Variants in ARHGAP24 observed in about 807,000 individuals in gnomAD.
ARHGAP24 encodes Rho GTPase activating protein 24.
Under a neutral mutation model 76.4 loss-of-function variants are expected in ARHGAP24, and 50 were observed. That is an observed-to-expected ratio of 0.65 (90% CI 0.52 to 0.83). ARHGAP24 has a LOEUF of 0.83. Among genes scored for constraint, ARHGAP24 ranks in the 40% least tolerant of loss-of-function variants. The probability of loss-of-function intolerance (pLI) is 0.00; values close to 1 mark genes in which losing one functional copy is unlikely to be tolerated. For synonymous variants in ARHGAP24, 345 were observed against 323.3 expected (o/e 1.07, Z -0.72); for missense variants, 930 against 914.2 (o/e 1.02, Z -0.22).
At chr4:85,555,138 C>T (rs939753250) in intron 1 of ARHGAP24, among the ~76,000 whole-genome samples, 2 of 152,150 alleles carry the variant, frequency 1.3e-5, no homozygotes, top group Non-Finnish European at 2.9e-5. Context: ...TCAGTCTTTT[C>T]ATCCTGGTTA....
chr4:85,860,412 A>G (rs2110175359), intron 3 of ARHGAP24, among the ~76,000 whole-genome samples: 1 of 152,200 alleles, frequency 6.6e-6, no homozygotes, highest in African/African-American at 2.4e-5. Context: ...TTTTTGTGAC[A>G]TCTCTTCATT....
chr4:85,985,335 C>A (rs558897883), intron 8 of ARHGAP24, among the ~76,000 whole-genome samples: 6 of 152,206 alleles, frequency 3.9e-5, no homozygotes, highest in Admixed American at 3.9e-4. Flanking sequence ...TTTGCAGGGA[C>A]ATGGGTGGAG....
At chr4:85,699,994 G>A (rs1023747591) in intron 2 of ARHGAP24, among the ~76,000 whole-genome samples, 2 of 152,120 alleles carry the variant, frequency 1.3e-5, no homozygotes, top group African/African-American at 2.4e-5. Flanking sequence ...GAAACACTAT[G>A]TTACACAAGC....
intron 3 of ARHGAP24, among the ~76,000 whole-genome samples, chr4:85,910,626 T>C (rs1735023350): frequency 6.6e-6 from 1 of 151,992 alleles, no homozygotes. Context: ...AGTGTGTTGC[T>C]CCTCTCTGCA....
chr4:85,982,405 C>T (rs1739721404), intron 8 of ARHGAP24, among the ~76,000 whole-genome samples: 1 of 44,456 alleles, frequency 2.2e-5, no homozygotes, highest in African/African-American at 1.2e-4. Context: ...TTTTGAAGTA[C>T]AGGAAAAATG....
intron 4 of ARHGAP24, among the ~76,000 whole-genome samples, chr4:85,934,831 T>C (rs1206811968): frequency 6.6e-6 from 1 of 152,226 alleles, no homozygotes; most frequent in East Asian, 1.9e-4. Context: ...TCTTACATTT[T>C]ACATATGCTG....
At chr4:85,902,819 G>T (rs1430174498) in intron 3 of ARHGAP24, among the ~76,000 whole-genome samples, 1 of 152,174 alleles carries the variant, frequency 6.6e-6, no homozygotes, top group Non-Finnish European at 1.5e-5. Context: ...GGCCAGGCTG[G>T]TCTCGAACTC....
At chr4:85,814,679 G>A (rs966351790) in intron 3 of ARHGAP24, among the ~76,000 whole-genome samples, 2 of 152,154 alleles carry the variant, frequency 1.3e-5, no homozygotes, top group African/African-American at 4.8e-5. Context: ...TCACAAGCTG[G>A]TGTTGAGTGT....
At chr4:85,643,637 A>G (rs555230995) in intron 2 of ARHGAP24, among the ~76,000 whole-genome samples, 1 of 151,678 alleles carries the variant, frequency 6.6e-6, no homozygotes, top group Admixed American at 6.6e-5. Flanking sequence ...ATTATTTACT[A>G]TTTCTCCCAC....
chr4:85,784,839 C>T (rs1317918896), intron 3 of ARHGAP24, among the ~76,000 whole-genome samples: 2 of 151,968 alleles, frequency 1.3e-5, no homozygotes, highest in Non-Finnish European at 2.9e-5. Context: ...CTACTGTCCC[C>T]GCCCCAATCC....
chr4:85,845,104 AAT>A (rs1730806120), intron 3 of ARHGAP24, among the ~76,000 whole-genome samples: 3 of 152,234 alleles, frequency 2.0e-5, no homozygotes, highest in African/African-American at 7.2e-5. Flanking sequence ...TACCATAGAC[AAT>A]ATGTTTTTTC....
At chr4:85,583,746 GAA>G (rs1214920764) in intron 2 of ARHGAP24, among the ~76,000 whole-genome samples, 9 of 122,864 alleles carry the variant, frequency 7.3e-5, no homozygotes, top group African/African-American at 2.0e-4. Flanking sequence ...AAATTTACAA[GAA>G]AAAAAAAAAA....
At chr4:85,767,809 T>C (rs1274858819) in intron 3 of ARHGAP24, among the ~76,000 whole-genome samples, 1 of 152,230 alleles carries the variant, frequency 6.6e-6, no homozygotes, top group Non-Finnish European at 1.5e-5. Context: ...AGTTAAACTC[T>C]GTTACCCTGT....
At chr4:85,586,261 G>T (rs1428210054) in intron 2 of ARHGAP24, among the ~76,000 whole-genome samples, 3 of 152,028 alleles carry the variant, frequency 2.0e-5, no homozygotes, top group African/African-American at 7.3e-5. Context: ...AAGATTCTGT[G>T]ATTCAAGACC....
At chr4:85,980,534 A>G (rs893533354) in intron 8 of ARHGAP24, among the ~76,000 whole-genome samples, 2 of 152,150 alleles carry the variant, frequency 1.3e-5, no homozygotes, top group African/African-American at 4.8e-5. Flanking sequence ...AATTCTTTAC[A>G]TGTGCTCTTT....
intron 5 of ARHGAP24, among the ~76,000 whole-genome samples, chr4:85,947,115 C>A (rs910610465): frequency 9.2e-5 from 14 of 152,122 alleles, no homozygotes; most frequent in African/African-American, 3.4e-4. Context: ...TGTTTGTTGG[C>A]ATCTTGTATG....
chr4:85,616,658 C>T (rs1322213526), intron 2 of ARHGAP24, among the ~76,000 whole-genome samples: 1 of 152,156 alleles, frequency 6.6e-6, no homozygotes, highest in Non-Finnish European at 1.5e-5. Context: ...GATGGAGTCT[C>T]ATTCTGTCGC....
chr4:85,735,896 AT>A (rs2110056256), intron 3 of ARHGAP24, among the ~76,000 whole-genome samples: 1 of 152,166 alleles, frequency 6.6e-6, no homozygotes, highest in East Asian at 1.9e-4. Context: ...GTCACCTCCT[AT>A]TTTTTTAAAA....
At chr4:85,583,414 A>T (rs1727695059) in intron 2 of ARHGAP24, among the ~76,000 whole-genome samples, 1 of 152,146 alleles carries the variant, frequency 6.6e-6, no homozygotes, top group Admixed American at 6.5e-5. Flanking sequence ...ATAGATCAAG[A>T]GACAGAACTT....
Sources: allele counts gnomAD v4.1 joint callset (sites outside exome capture counted in the v4.1 genomes callset), GRCh38; gene constraint gnomAD v4.1.1; transcripts MANE v1.5; gene names NCBI Gene and HGNC (gene_info 2026-07-23, HGNC 2026-07-21).